The following B3GALT1 variants were observed in gnomAD, a reference collection of about 807,000 sequenced individuals.
The protein encoded by B3GALT1 is beta-1,3-galactosyltransferase 1.
A neutral mutation model predicts 23.2 loss-of-function variants in B3GALT1; 10 were observed. That is an observed-to-expected ratio of 0.43 (90% CI 0.27 to 0.73). The LOEUF (loss-of-function observed/expected upper bound fraction) is 0.73. Among genes scored for constraint, B3GALT1 ranks in the 30% least tolerant of loss-of-function variants. The pLI is 0.21. For missense variants in B3GALT1, 299 were observed against 405.4 expected (o/e 0.74, Z 2.25); for synonymous variants, 156 against 141.5 (o/e 1.10, Z -0.73).
At chr2:167,614,135 G>A (rs1353164809) in intron 2 of B3GALT1, among the ~76,000 whole-genome samples, 5 of 151,646 alleles carry the variant, frequency 3.3e-5, no homozygotes, top group African/African-American at 9.7e-5. Context: ...TGTGCATAAT[G>A]TGTATGACAC....
intron 4 of B3GALT1, among the ~76,000 whole-genome samples, chr2:167,858,126 A>G (rs958315919): frequency 2.6e-5 from 4 of 152,148 alleles, no homozygotes; most frequent in African/African-American, 4.8e-5. Context: ...TTAATATCCT[A>G]AAGTTATATT....
chr2:167,452,684 C>T lies in B3GALT1; in HGVS notation c.-510-37493C>T, dbSNP rs139583377. Among the ~76,000 whole-genome samples the T allele has an allele frequency of 5.9e-5, 9 of 152,262 alleles. No individual in the cohort carries two copies. The East Asian group carries it at 7.7e-4, about 13-fold the overall frequency. ...GTCTCCACACATTGCTCTGTTCATC[C>T]GAGTGGGAGCTGCCATTTAGTCCTG... is the stretch of plus-strand genomic sequence containing the variant. On this transcript the variant is annotated intron_variant, in intron 1 of 4. Transcript: ENST00000392690.
At chr2:167,811,481 A>G (rs1415376359) in intron 3 of B3GALT1, among the ~76,000 whole-genome samples, 1 of 152,224 alleles carries the variant, frequency 6.6e-6, no homozygotes, top group Non-Finnish European at 1.5e-5. Context: ...CTCATCAATA[A>G]AAACCTATGG....
At chr2:167,553,947 C>G (rs146046499) in intron 2 of B3GALT1, among the ~76,000 whole-genome samples, 76 of 152,212 alleles carry the variant, frequency 5.0e-4, no homozygotes, top group Middle Eastern at 3.4e-3. Flanking sequence ...ACTGTACAGG[C>G]AAAATGTCAA....
chr2:167,840,823 A>G (rs1268544710), intron 4 of B3GALT1, among the ~76,000 whole-genome samples: 2 of 145,596 alleles, frequency 1.4e-5, no homozygotes, highest in Non-Finnish European at 3.0e-5. Flanking sequence ...TGGCACATAT[A>G]CACCATGGAA....
In B3GALT1 at chr2:167,759,197, G is replaced by A. The variant is rs147961341; in HGVS notation, c.-351-59475G>A. Among the ~76,000 whole-genome samples the A allele has an allele frequency of 1.4e-3, 220 of 152,318 alleles. 2 individuals are homozygous for A. The highest frequency in any genetic ancestry group is 6.1e-3 in the Admixed American group (93 of 15,294). On this transcript the variant is annotated intron_variant, in intron 3 of 4. Coordinates refer to ENST00000392690, the MANE Select transcript of B3GALT1 (RefSeq NM_020981.4). ...AGACCAGCAGCAGAAGACGGTAGGA[G>A]TGCCTAAGACCAGCAGCATATGACT...
intron 1 of B3GALT1, among the ~76,000 whole-genome samples, chr2:167,421,605 T>C (rs1698547952): frequency 6.6e-6 from 1 of 152,210 alleles, no homozygotes; most frequent in African/African-American, 2.4e-5. Context: ...CATTCACATC[T>C]TTAAAAGGGT....
chr2:167,654,915 G>C (rs750833583), intron 3 of B3GALT1, among the ~76,000 whole-genome samples: 4 of 151,342 alleles, frequency 2.6e-5, no homozygotes, highest in African/African-American at 4.9e-5. Flanking sequence ...TCAGTAGTTA[G>C]TGTCTGTAAT....
intron 4 of B3GALT1, among the ~76,000 whole-genome samples, chr2:167,825,469 T>TGTGCGCGC: frequency 6.9e-6 from 1 of 143,998 alleles, no homozygotes; most frequent in African/African-American, 2.5e-5. Context: ...TGCACGTGTG[T>TGTGCGCGC]GTGTGTGTTA....
intron 2 of B3GALT1, among the ~76,000 whole-genome samples, chr2:167,508,924 A>G (rs1699963273): frequency 6.6e-6 from 1 of 152,214 alleles, no homozygotes; most frequent in African/African-American, 2.4e-5. Flanking sequence ...TTACATAGGA[A>G]TTTAATATGT....
chr2:167,644,893 A>G (rs916749121), intron 2 of B3GALT1, among the ~76,000 whole-genome samples: 3 of 151,564 alleles, frequency 2.0e-5, no homozygotes, highest in Non-Finnish European at 4.4e-5. Context: ...AGAATTTGCC[A>G]TATTGTTATC....
intron 3 of B3GALT1, among the ~76,000 whole-genome samples, chr2:167,654,090 G>A (rs902272389): frequency 6.6e-6 from 1 of 152,098 alleles, no homozygotes; most frequent in African/African-American, 2.4e-5. Flanking sequence ...CAGGTTGGCT[G>A]GTTGACATCC....
chr2:167,631,769 C>CTTTCTT, intron 2 of B3GALT1, among the ~76,000 whole-genome samples: 1 of 120,596 alleles, frequency 8.3e-6, no homozygotes, highest in Non-Finnish European at 1.7e-5. Flanking sequence ...CTTTTCTTTT[C>CTTTCTT]TTTTTTTTTT....
At chr2:167,354,921 G>A (rs140882215) in intron 1 of B3GALT1, among the ~76,000 whole-genome samples, 6 of 152,188 alleles carry the variant, frequency 3.9e-5, no homozygotes, top group African/African-American at 1.4e-4. Context: ...TCAGCAAATT[G>A]GTTTGCCAGA....
intron 4 of B3GALT1, among the ~76,000 whole-genome samples, chr2:167,822,971 T>C (rs746573252): frequency 2.0e-5 from 3 of 152,180 alleles, no homozygotes; most frequent in Non-Finnish European, 4.4e-5. Context: ...TTCCTTAGAG[T>C]TGGGCATGGC....
At chr2:167,651,935 G>A (rs1685876407) in intron 3 of B3GALT1, among the ~76,000 whole-genome samples, 1 of 152,094 alleles carries the variant, frequency 6.6e-6, no homozygotes, top group Admixed American at 6.6e-5. Context: ...TCCTGCCAAA[G>A]GGAGTAGAAA....
At chr2:167,520,001 T>G (rs1390846823) in intron 2 of B3GALT1, among the ~76,000 whole-genome samples, 1 of 151,346 alleles carries the variant, frequency 6.6e-6, no homozygotes, top group Non-Finnish European at 1.5e-5. Flanking sequence ...GCCAAGATTG[T>G]GCCACTGCAC....
chr2:167,642,842 A>G (rs1199801096), intron 2 of B3GALT1, among the ~76,000 whole-genome samples: 1 of 152,174 alleles, frequency 6.6e-6, no homozygotes, highest in Non-Finnish European at 1.5e-5. Flanking sequence ...CCCAGCACTT[A>G]AAACATTGGC....
chr2:167,317,362 G>A (rs1696735611), intron 1 of B3GALT1, among the ~76,000 whole-genome samples: 1 of 152,114 alleles, frequency 6.6e-6, no homozygotes, highest in South Asian at 2.1e-4. Flanking sequence ...CCTCTTGTGG[G>A]CTCCAAGTAT....
Sources: allele counts gnomAD v4.1 joint callset (sites outside exome capture counted in the v4.1 genomes callset), GRCh38; gene constraint gnomAD v4.1.1; transcripts MANE v1.5; gene names NCBI Gene and HGNC (gene_info 2026-07-23, HGNC 2026-07-21).